The following FAM114A2 variants were observed in gnomAD, a reference collection of about 807,000 sequenced individuals.
FAM114A2 encodes the protein family with sequence similarity 114 member A2, also known as protein FAM114A2.
FAM114A2 carries 53 observed loss-of-function variants against 58.4 expected under a neutral mutation model. That is an observed-to-expected ratio of 0.91 (90% CI 0.73 to 1.14). The LOEUF (loss-of-function observed/expected upper bound fraction) is 1.14, where lower values mean the gene tolerates loss of function less well. Ranked by LOEUF, FAM114A2 falls within the 50% of genes most tolerant of loss-of-function variation. FAM114A2 has a pLI of 0.00. For synonymous variants in FAM114A2, 228 were observed against 211.4 expected (o/e 1.08, Z -0.68); for missense variants, 601 against 581.1 (o/e 1.03, Z -0.35).
rs1242162932 is a variant in FAM114A2 at position 153,992,116 on chromosome 5, A to G, written c.*860T>C. 2 of 152,246 alleles carry G rather than the reference A, an allele frequency of 1.3e-5. No homozygotes were observed. Among genetic ancestry groups the G allele is most frequent in the African/African-American group, 4.8e-5 (2 of 41,464 alleles). 9.4% of individuals were successfully genotyped at this position (152,246 alleles called of 1,614,324 possible). On this transcript the variant is annotated 3_prime_UTR_variant, in exon 14 of 14. Transcript: ENST00000351797. The stretch of plus-strand genomic sequence containing the variant: ...CCCACTTCAACACTCAAACAAAAAA[A>G]TCCTCATTGCTAAAACAGCTTCAAC...
At chr5:154,016,221 G>C (rs957025437) in intron 8 of FAM114A2, among the ~76,000 whole-genome samples, 5 of 152,170 alleles carry the variant, frequency 3.3e-5, no homozygotes, top group African/African-American at 1.2e-4. Flanking sequence ...AACTTCCCCA[G>C]CCTTGTTAGA....
In FAM114A2 at chr5:153,997,886, A is replaced by C; in HGVS notation, c.1257-11T>G. 1 of 1,552,966 alleles carries C rather than the reference A, an allele frequency of 6.4e-7. No homozygotes were observed. The highest frequency in any genetic ancestry group is 8.8e-7 in the Non-Finnish European group (1 of 1,134,666). On this transcript the variant is annotated splice_polypyrimidine_tract_variant and intron_variant, in intron 11 of 13. Transcript: ENST00000351797. ...AACACAATTGTCATCCTAGGAAAGA[A>C]AGGAAAAGTCAGAAACGTTTTTTCT...
Position 154,027,335 on chromosome 5 carries a change from CT to C in FAM114A2, c.631-2del, listed in dbSNP as rs1264498790. 1 of 1,608,014 alleles carries C rather than the reference CT, an allele frequency of 6.2e-7. No individual in the cohort carries two copies. Among genetic ancestry groups the C allele is most frequent in the Non-Finnish European group, 8.5e-7 (1 of 1,177,960 alleles). The stretch of plus-strand genomic sequence containing the variant: ...CTTTCTCCTTCGCCTCTCGTAAAAC[CT>C]AAAAAGAGATGGAGGCATTACACTG... On this transcript the variant is annotated splice_acceptor_variant, in intron 6 of 13. Coordinates refer to ENST00000351797, the MANE Select transcript of FAM114A2 (RefSeq NM_018691.4). LOFTEE classifies it high-confidence loss of function.
At chr5:154,004,476 A>G (rs1196348482) in intron 9 of FAM114A2, among the ~76,000 whole-genome samples, 1 of 152,156 alleles carries the variant, frequency 6.6e-6, no homozygotes, top group Admixed American at 6.5e-5. Flanking sequence ...CTCTCCTGAA[A>G]ACTTATTCCA....
intron 9 of FAM114A2, among the ~76,000 whole-genome samples, chr5:154,003,788 T>C (rs1477818377): frequency 6.6e-6 from 1 of 152,238 alleles, no homozygotes; most frequent in Non-Finnish European, 1.5e-5. Flanking sequence ...CACAACATAA[T>C]GTCTGTTAGA....
At chr5:154,005,043 C>T (rs1770263134) in intron 9 of FAM114A2, among the ~76,000 whole-genome samples, 1 of 152,196 alleles carries the variant, frequency 6.6e-6, no homozygotes, top group South Asian at 2.1e-4. Flanking sequence ...CAGACATCAT[C>T]TCTTTCAGGT....
intron 12 of FAM114A2, among the ~76,000 whole-genome samples, chr5:153,997,418 A>G (rs1053993759): frequency 2.0e-5 from 3 of 152,222 alleles, no homozygotes; most frequent in Admixed American, 6.5e-5. Flanking sequence ...TTTGGTAATA[A>G]AAAGTATTAA....
At chr5:153,999,109 C>T (rs937438861) in intron 11 of FAM114A2, among the ~76,000 whole-genome samples, 2 of 152,102 alleles carry the variant, frequency 1.3e-5, no homozygotes, top group African/African-American at 4.8e-5. Flanking sequence ...AACTACTCAT[C>T]TGACAGGAGA....
chr5:153,994,878 G>T, intron 13 of FAM114A2, 41 bp downstream of exon 13: 2 of 1,311,748 alleles, frequency 1.5e-6, no homozygotes, highest in Non-Finnish European at 1.1e-6. Context: ...TTAATTATAC[G>T]TAATACCTTT....
intron 8 of FAM114A2, among the ~76,000 whole-genome samples, chr5:154,015,103 G>T (rs1235159012): frequency 6.6e-6 from 1 of 152,050 alleles, no homozygotes; most frequent in African/African-American, 2.4e-5. Context: ...CCATTGACCT[G>T]GACCTCATCC....
chr5:154,022,138 T>C (rs1222432517), intron 8 of FAM114A2, among the ~76,000 whole-genome samples: 1 of 152,094 alleles, frequency 6.6e-6, no homozygotes, highest in Non-Finnish European at 1.5e-5. Context: ...TATACAAAAA[T>C]CAATTCAAGA....
chr5:154,011,374 A>T, intron 8 of FAM114A2, 54 bp from the exon 9 acceptor site: 1 of 1,247,146 alleles, frequency 8.0e-7, no homozygotes, highest in Middle Eastern at 1.9e-4. Flanking sequence ...GAGGATCATG[A>T]GGTGGCAGGC....
intron 11 of FAM114A2, among the ~76,000 whole-genome samples, chr5:153,999,594 C>T (rs1346152174): frequency 6.7e-6 from 1 of 150,218 alleles, no homozygotes; most frequent in East Asian, 2.0e-4. Context: ...GATTGCGCCA[C>T]TGCACTCCAG....
At position 154,029,525 on chromosome 5, in the gene FAM114A2, A is replaced by C; in HGVS notation, c.459T>G (p.Gly153=). The part of the protein sequence containing the change: ...ENSSPVAGAF[G]VFSTISTAVQ... The stretch of plus-strand genomic sequence containing the variant: ...CAGCAGTAGAGATGGTAGAGAATAC[A>C]CCAAATGCCCCAGCCACTGGGGAGG... The change falls in exon 5 of 14, where the codon GGT becomes GGG. Residue 153 remains glycine (G), a synonymous_variant. Transcript: ENST00000351797. The C allele has an allele frequency of 6.2e-7, 1 of 1,611,532 alleles. No individual in the cohort carries two copies. The highest frequency in any genetic ancestry group is 8.5e-7 in the Non-Finnish European group (1 of 1,178,026).
intron 1 of FAM114A2, chr5:154,037,434 G>C (rs1402795065): frequency 6.6e-6 from 1 of 152,212 alleles, no homozygotes. Flanking sequence ...TACCTACTAC[G>C]TACCAAGTAG....
Position 154,003,177 on chromosome 5 carries a change from G to GCT in FAM114A2, c.994-209_994-208insAG, listed in dbSNP as rs369892098. On this transcript the variant is annotated intron_variant, in intron 9 of 13. Coordinates refer to ENST00000351797, the MANE Select transcript of FAM114A2 (RefSeq NM_018691.4). ...CCTTTTCAAAATTCTCTAATTGGTA[G>GCT]TATTTTTTTTTTTTTTTTGAGATGG... Among the ~76,000 whole-genome samples the GCT allele has an allele frequency of 5.6e-4, 76 of 134,696 alleles. 3 individuals carry two copies. The highest frequency in any genetic ancestry group is 6.3e-4 in the Non-Finnish European group (39 of 61,886). 88.4% of individuals were successfully genotyped at this position (134,696 alleles called of 152,430 possible). A position where few individuals can be genotyped will look rare whatever the true frequency, so the allele number is the denominator to read the frequency against.
At chr5:154,026,611 T>A (rs1771790873) in intron 7 of FAM114A2, 89 bp from the exon 8 acceptor site, 1 of 920,396 alleles carries the variant, frequency 1.1e-6, no homozygotes, top group African/African-American at 1.7e-5. Flanking sequence ...AAAGATCATA[T>A]TGAAGTCAAA....
intron 9 of FAM114A2, among the ~76,000 whole-genome samples, chr5:154,005,944 A>G (rs1346657266): frequency 1.3e-5 from 2 of 152,246 alleles, no homozygotes; most frequent in Non-Finnish European, 2.9e-5. Context: ...ACCCAAGGCT[A>G]CCCGAATGAG....
intron 4 of FAM114A2, among the ~76,000 whole-genome samples, chr5:154,032,161 CTCTTTCCCCT>C (rs1484267868): frequency 3.9e-5 from 6 of 152,214 alleles, no homozygotes; most frequent in Non-Finnish European, 8.8e-5. Flanking sequence ...TCTTTACTTC[CTCTTTCCCCT>C]AGAGCCCACT....
Sources: gnomAD v4.1 joint callset for allele counts (sites outside exome capture counted in the v4.1 genomes callset) on GRCh38, gnomAD v4.1.1 for gene constraint, MANE v1.5 for transcripts, NCBI Gene and HGNC (gene_info 2026-07-23, HGNC 2026-07-21) for gene names.